The following CCDC32 variants were observed in gnomAD, a reference collection of about 807,000 sequenced individuals.
CCDC32 encodes coiled-coil domain containing 32, also known as coiled-coil domain-containing protein 32.
CCDC32 carries 9 observed loss-of-function variants against 20.1 expected under a neutral mutation model. That is an observed-to-expected ratio of 0.45 (90% confidence interval 0.27 to 0.78). The LOEUF (loss-of-function observed/expected upper bound fraction) is 0.78, where lower values mean the gene tolerates loss of function less well. Ranked by LOEUF, CCDC32 falls within the 30% of genes least tolerant of loss-of-function variation. The pLI, the probability that CCDC32 is intolerant of heterozygous loss-of-function variation, is 0.16. For synonymous variants in CCDC32, 63 were observed against 79.0 expected (o/e 0.80, Z 1.07); for missense variants, 204 against 215.5 (o/e 0.95, Z 0.33).
At chr15:40,528,246 A>G (rs1227542170), downstream of CCDC32, among the ~76,000 whole-genome samples, 3 of 151,952 alleles carry the variant, frequency 2.0e-5, no homozygotes, top group African/African-American at 7.3e-5. Context: ...CCTCACCACC[A>G]CCCTCTAAGG....
At chr15:40,556,271 G>A (rs984137758) in intron 3 of CCDC32, among the ~76,000 whole-genome samples, 5 of 152,288 alleles carry the variant, frequency 3.3e-5, no homozygotes, top group African/African-American at 1.2e-4. Flanking sequence ...AAGCCAGGAG[G>A]GAGCTCAGTG....
chr15:40,549,524 A>G (rs1283965106), downstream of CCDC32, among the ~76,000 whole-genome samples: 2 of 152,122 alleles, frequency 1.3e-5, no homozygotes, highest in African/African-American at 4.8e-5. Context: ...TCTCCTTCCC[A>G]TGTGCTCTCA....
At chr15:40,524,383 C>G (rs181789291), downstream of CCDC32, among the ~76,000 whole-genome samples, 1 of 151,974 alleles carries the variant, frequency 6.6e-6, no homozygotes, top group East Asian at 1.9e-4. Flanking sequence ...ATCTCGATCT[C>G]CTGACCTCGT....
intron 3 of CCDC32, among the ~76,000 whole-genome samples, chr15:40,539,508 G>C (rs1279712514): frequency 6.6e-6 from 1 of 152,046 alleles, no homozygotes; most frequent in African/African-American, 2.4e-5. Flanking sequence ...CCTCAGCCGT[G>C]CAGGACTGCA....
chr15:40,528,417 T>A (rs1894926827), downstream of CCDC32, among the ~76,000 whole-genome samples: 1 of 152,118 alleles, frequency 6.6e-6, no homozygotes, highest in Admixed American at 6.5e-5. Context: ...GGAGCTTGCG[T>A]GGAGCCAGGA....
intron 1 of CCDC32, 150 bp downstream of exon 1, chr15:40,564,826 C>T (rs1890913495): frequency 1.2e-6 from 2 of 1,613,936 alleles, no homozygotes; most frequent in East Asian, 4.5e-5. Flanking sequence ...GCAGGAAATT[C>T]CGGCGTCCAG....
chr15:40,539,880 A>ACACACACACAC (rs769226221), intron 3 of CCDC32, among the ~76,000 whole-genome samples: 2 of 139,142 alleles, frequency 1.4e-5, no homozygotes, highest in East Asian at 2.0e-4. Flanking sequence ...ACACACACAC[A>ACACACACACAC]CCCCGCTCCT....
chr15:40,556,095 T>C (rs1336199435), intron 3 of CCDC32, among the ~76,000 whole-genome samples: 1 of 152,232 alleles, frequency 6.6e-6, no homozygotes, highest in Non-Finnish European at 1.5e-5. Flanking sequence ...CACACATAGG[T>C]TACTTACCCA....
At chr15:40,550,198 G>A (rs1055691374), downstream of CCDC32, among the ~76,000 whole-genome samples, 47 of 152,300 alleles carry the variant, frequency 3.1e-4, 1 homozygote, top group Middle Eastern at 6.8e-3. Flanking sequence ...GGCTTGGCCC[G>A]TGTTGGTGAT....
chr15:40,560,881 GGAAAA>G (rs1162888711), intron 2 of CCDC32, among the ~76,000 whole-genome samples: 17 of 152,194 alleles, frequency 1.1e-4, no homozygotes, highest in African/African-American at 3.6e-4. Flanking sequence ...TTTACCCAAA[GGAAAA>G]GAAGTCGTTA....
intron 3 of CCDC32, among the ~76,000 whole-genome samples, chr15:40,555,026 TACCTGGCCC>T (rs1177406034): frequency 6.6e-6 from 1 of 152,206 alleles, no homozygotes; most frequent in Non-Finnish European, 1.5e-5. Context: ...GAGGATCACC[TACCTGGCCC>T]TCACATACGT....
At chr15:40,522,424 G>T in the CCDC32 span, among the ~76,000 whole-genome samples, 1 of 152,262 alleles carries the variant, frequency 6.6e-6, no homozygotes, top group South Asian at 2.1e-4. Flanking sequence ...TTTCAAGACT[G>T]TTTTGGCTAT....
At chr15:40,543,249 A>G (rs1402664231) in intron 3 of CCDC32, among the ~76,000 whole-genome samples, 3 of 152,188 alleles carry the variant, frequency 2.0e-5, no homozygotes, top group Non-Finnish European at 2.9e-5. Context: ...GTGGTCATGA[A>G]ACTTGCAATA....
At chr15:40,554,907 G>T (rs1389795835) in intron 3 of CCDC32, among the ~76,000 whole-genome samples, 1 of 152,162 alleles carries the variant, frequency 6.6e-6, no homozygotes. Flanking sequence ...ACCCAAGAAA[G>T]AATACCATAA....
downstream of CCDC32, among the ~76,000 whole-genome samples, chr15:40,526,845 G>A (rs1377938981): frequency 6.6e-6 from 1 of 152,146 alleles, no homozygotes; most frequent in Non-Finnish European, 1.5e-5. Context: ...CCTGGGAGGT[G>A]GAGGTTGCAG....
chr15:40,563,157 G>T, intron 1 of CCDC32, 130 bp from the exon 2 acceptor site: 1 of 1,097,972 alleles, frequency 9.1e-7, no homozygotes, highest in Non-Finnish European at 1.3e-6. Context: ...GAGGCCAGCA[G>T]TTCGAGACCA....
chr15:40,529,238 T>C (rs1888808336), intron 3 of CCDC32, among the ~76,000 whole-genome samples: 1 of 152,228 alleles, frequency 6.6e-6, no homozygotes, highest in African/African-American at 2.4e-5. Context: ...TTGCCGGTGT[T>C]TTCAGATGAC....
At chr15:40,534,382 A>G (rs1889019545), downstream of CCDC32, 1 of 156,296 alleles carries the variant, frequency 6.4e-6, no homozygotes, top group African/African-American at 2.4e-5. Context: ...ACAGTTTGGC[A>G]TGGCTGGGGA....
intron 3 of CCDC32, among the ~76,000 whole-genome samples, chr15:40,539,878 A>ACACACACACACACACACC (rs1889311275): frequency 7.0e-6 from 1 of 143,370 alleles, no homozygotes; most frequent in Admixed American, 7.0e-5. Context: ...ACACACACAC[A>ACACACACACACACACACC]CACCCCGCTC....
Sources: allele counts gnomAD v4.1 joint callset (sites outside exome capture counted in the v4.1 genomes callset), GRCh38; gene constraint gnomAD v4.1.1; transcripts MANE v1.5; gene names NCBI Gene and HGNC (gene_info 2026-07-23, HGNC 2026-07-21).